CAPZB: variants seen among roughly 807,000 people sequenced by gnomAD.
The protein encoded by CAPZB is F-actin-capping protein subunit beta.
A neutral mutation model predicts 38.1 loss-of-function variants in CAPZB; 2 were observed. The observed-to-expected ratio is 0.05, with a 90% CI of 0.02 to 0.17. CAPZB has a LOEUF of 0.17. Ranked by LOEUF, CAPZB falls within the 10% of genes least tolerant of loss-of-function variation. The pLI is 1.00. For missense variants in CAPZB, 161 were observed against 334.2 expected (o/e 0.48, Z 4.04); for synonymous variants, 107 against 127.4 (o/e 0.84, Z 1.08).
At chr1:19,395,921 C>T (rs1260200392) in intron 2 of CAPZB, among the ~76,000 whole-genome samples, 2 of 152,222 alleles carry the variant, frequency 1.3e-5, no homozygotes, top group Non-Finnish European at 2.9e-5. Context: ...CAGGCGATGG[C>T]CTCAGGCTAA....
intron 1 of CAPZB, among the ~76,000 whole-genome samples, chr1:19,442,048 A>T (rs1259197400): frequency 6.7e-6 from 1 of 149,944 alleles, no homozygotes; most frequent in Non-Finnish European, 1.5e-5. Flanking sequence ...AGGTATCCAC[A>T]GCCCTTAAAA....
At chr1:19,468,033 T>C (rs1412173528) in intron 1 of CAPZB, among the ~76,000 whole-genome samples, 2 of 151,762 alleles carry the variant, frequency 1.3e-5, no homozygotes, top group East Asian at 3.9e-4. Context: ...AGCTCAGGAG[T>C]CCAAGGCTGC....
intron 1 of CAPZB, among the ~76,000 whole-genome samples, chr1:19,474,050 C>A (rs566266997): frequency 6.6e-6 from 1 of 151,962 alleles, no homozygotes; most frequent in Admixed American, 6.6e-5. Context: ...GACTGGAAGG[C>A]AGTGATGTGA....
chr1:19,395,563 T>C (rs1398965694), intron 2 of CAPZB, among the ~76,000 whole-genome samples: 3 of 151,860 alleles, frequency 2.0e-5, no homozygotes, highest in African/African-American at 4.8e-5. Flanking sequence ...AGAAGACAAA[T>C]GGAAAGGAGA....
chr1:19,437,016 C>T (rs975461778), intron 1 of CAPZB, among the ~76,000 whole-genome samples: 3 of 152,134 alleles, frequency 2.0e-5, no homozygotes, highest in Admixed American at 6.5e-5. Flanking sequence ...GCTCAGTGAT[C>T]GAAGCTGAGC....
At chr1:19,449,203 C>G in intron 1 of CAPZB, 3 of 1,166,820 alleles carry the variant, frequency 2.6e-6, no homozygotes, top group Non-Finnish European at 3.2e-6. Flanking sequence ...CCTGAAAGGT[C>G]ATGCTTCCCA....
intron 6 of CAPZB, among the ~76,000 whole-genome samples, chr1:19,351,035 T>C (rs1041810704): frequency 6.6e-6 from 1 of 150,748 alleles, no homozygotes; most frequent in Admixed American, 6.6e-5. Flanking sequence ...CAGGCTGGAG[T>C]GCAATGGCGC....
chr1:19,376,124 A>C (rs2094143223), intron 4 of CAPZB, among the ~76,000 whole-genome samples: 1 of 152,240 alleles, frequency 6.6e-6, no homozygotes, highest in Non-Finnish European at 1.5e-5. Context: ...TGAACACTTA[A>C]GTCTCATAAA....
chr1:19,421,993 CTT>C (rs978416235), intron 1 of CAPZB, among the ~76,000 whole-genome samples: 5 of 152,092 alleles, frequency 3.3e-5, no homozygotes, highest in African/African-American at 1.2e-4. Flanking sequence ...CTCTCTCTCT[CTT>C]GCTCCCCTTA....
chr1:19,403,351 G>A (rs751522245), intron 2 of CAPZB, among the ~76,000 whole-genome samples: 4 of 152,224 alleles, frequency 2.6e-5, no homozygotes, highest in Admixed American at 2.0e-4. Context: ...GGGCATGCTG[G>A]GGGGCAGGGT....
At chr1:19,411,579 G>A (rs1002214407) in intron 2 of CAPZB, among the ~76,000 whole-genome samples, 6 of 152,110 alleles carry the variant, frequency 3.9e-5, no homozygotes, top group Non-Finnish European at 8.8e-5. Context: ...TAATCTCTTT[G>A]GTTCATTTCC....
intron 1 of CAPZB, among the ~76,000 whole-genome samples, chr1:19,477,906 AGTACTTCACTTG>A (rs1193821352): frequency 1.3e-5 from 2 of 152,210 alleles, no homozygotes; most frequent in Non-Finnish European, 2.9e-5. Context: ...TTTAAGTTAA[AGTACTTCACTTG>A]GTAAATACGA....
chr1:19,442,490 C>G lies in CAPZB; in HGVS notation c.4-22740G>C, dbSNP rs541741681. Among the ~76,000 whole-genome samples the G allele has an allele frequency of 1.8e-3, 280 of 152,278 alleles. 3 individuals carry two copies. The highest frequency in any genetic ancestry group is 1.1e-3 in the Non-Finnish European group (76 of 68,028). On this transcript the variant is annotated intron_variant, in intron 1 of 8. Coordinates refer to ENST00000264202, the MANE Select transcript of CAPZB (RefSeq NM_004930.5). ...AAAAGTTCTCTGAATTTAAATCAGG[C>G]AACACTAACTTAAAGTTCCCTTACG...
In CAPZB at chr1:19,345,740, C is replaced by T. The variant is rs1395943780; in HGVS notation, c.589-488G>A. ...TTTGGGGTGCCATCTGCTGCAGTCT[C>T]GCAGGGAGGGACAGACAACCTCTGA... On this transcript the variant is annotated intron_variant, in intron 6 of 8. Coordinates refer to ENST00000264202, the MANE Select transcript of CAPZB (RefSeq NM_004930.5). 3.9e-5 allele frequency among the ~76,000 whole-genome samples: 6 copies of T among 152,246 alleles called. No homozygotes were observed. In the South Asian group the frequency reaches 6.2e-4, roughly 16 times the overall value.
intron 1 of CAPZB, among the ~76,000 whole-genome samples, chr1:19,433,167 G>A (rs759585703): frequency 6.6e-6 from 1 of 152,246 alleles, no homozygotes; most frequent in East Asian, 1.9e-4. Context: ...TGTAACAAGC[G>A]ACTAATCCCT....
At chr1:19,447,003 A>G (rs2094498143) in intron 1 of CAPZB, among the ~76,000 whole-genome samples, 1 of 152,144 alleles carries the variant, frequency 6.6e-6, no homozygotes, top group Non-Finnish European at 1.5e-5. Context: ...TTTATTTTCC[A>G]AACAAAAAAT....
intron 4 of CAPZB, among the ~76,000 whole-genome samples, chr1:19,371,494 G>A (rs867100022): frequency 1.3e-5 from 2 of 152,208 alleles, no homozygotes; most frequent in African/African-American, 4.8e-5. Flanking sequence ...GTAAGGAAAC[G>A]GAGGCTCAGA....
Position 19,339,362 on chromosome 1 carries a change from TGGCTATC to T in CAPZB, c.*161_*167del. Reference sequence around the variant, plus strand: ...AAGCAGGCTCGGAGCCGGAGGAGGGTGGCTATCGGCTTTATTCTCAGGGAGAGATGGC... The same window carrying T: ...AAGCAGGCTCGGAGCCGGAGGAGGGTGGCTTTATTCTCAGGGAGAGATGGC... On this transcript the variant is annotated 3_prime_UTR_variant, in exon 9 of 9. Coordinates refer to ENST00000264202, the MANE Select transcript of CAPZB (RefSeq NM_004930.5). 1.5e-6 allele frequency: 1 copy of T among 660,816 alleles called. No homozygotes were observed. The highest frequency in any genetic ancestry group is 2.7e-6 in the Non-Finnish European group (1 of 366,996). 40.9% of individuals were successfully genotyped at this position (660,816 alleles called of 1,614,324 possible). A position where few individuals can be genotyped will look rare whatever the true frequency, so the allele number is the denominator to read the frequency against.
At chr1:19,442,520 G>A (rs2094481033) in intron 1 of CAPZB, among the ~76,000 whole-genome samples, 1 of 152,174 alleles carries the variant, frequency 6.6e-6, no homozygotes, top group Non-Finnish European at 1.5e-5. Flanking sequence ...CTTACGGTAA[G>A]GCCTGGTTGC....
Sources: allele counts gnomAD v4.1 joint callset (sites outside exome capture counted in the v4.1 genomes callset), GRCh38; gene constraint gnomAD v4.1.1; transcripts MANE v1.5; gene names NCBI Gene and HGNC (gene_info 2026-07-23, HGNC 2026-07-21).